Variants in FREM3 observed in about 807,000 individuals in gnomAD.
FREM3 encodes the protein FRAS1 related extracellular matrix 3.
Under a neutral mutation model 129.1 loss-of-function variants are expected in FREM3, and 105 were observed. The ratio of observed to expected loss-of-function variants is 0.81; its 90% CI spans 0.69 to 0.96. The LOEUF is 0.96. FREM3 is among the 40% of genes least tolerant of loss of function. The pLI is 0.00. For synonymous variants in FREM3, 1,014 were observed against 1,044.9 expected, an observed-to-expected ratio of 0.97 and a Z score of 0.57; for missense variants, 2,593 against 2,666.3, an observed-to-expected ratio of 0.97 and a Z score of 0.61.
At chr4:143,679,725 T>C (rs913270567) in intron 2 of FREM3, among the ~76,000 whole-genome samples, 1 of 152,130 alleles carries the variant, frequency 6.6e-6, no homozygotes, top group Non-Finnish European at 1.5e-5. Flanking sequence ...ATCTGCTCCA[T>C]TGCCTCTCAT....
intron 2 of FREM3, among the ~76,000 whole-genome samples, chr4:143,659,058 T>A (rs920551407): frequency 2.7e-5 from 4 of 147,708 alleles, no homozygotes; most frequent in Non-Finnish European, 6.0e-5. Context: ...GTGCCCCCAC[T>A]TGAATTTCTT....
chr4:143,666,050 G>A (rs1284378695), intron 2 of FREM3, among the ~76,000 whole-genome samples: 1 of 151,964 alleles, frequency 6.6e-6, no homozygotes, highest in African/African-American at 2.4e-5. Flanking sequence ...TATATTGATT[G>A]CTCTTCTTAG....
In FREM3 at chr4:143,698,652, T is replaced by A; in HGVS notation, c.2024A>T (p.His675Leu). Reference sequence around the variant, plus strand: ...GGGTGGGTCATGGTCATCCTGCACATGGAAAGCCAGCTGGACCATTACAGA... The same window carrying A: ...GGGTGGGTCATGGTCATCCTGCACAAGGAAAGCCAGCTGGACCATTACAGA... The part of the protein sequence containing the change: ...PQSVMVQLAF[H>L]VQDDHDPPNL... The change falls in exon 1 of 8, where the codon CAT becomes CTT. Residue 675 changes from histidine to leucine, a missense_variant. Physicochemically the swap from His to Leu is moderately conservative, Grantham distance 99 (BLOSUM62 -3). This residue lies in a region of FREM3 where 2,276 missense variants were observed against 2,267.2 expected (regional missense o/e 1.00). Transcript: ENST00000329798. 6.5e-7 allele frequency: 1 copy of A among 1,537,802 alleles called. No individual in the cohort carries two copies. The highest frequency in any genetic ancestry group is 2.4e-5 in the East Asian group (1 of 40,912).
chr4:143,662,233 C>T lies in FREM3; in HGVS notation c.5275+30880G>A, dbSNP rs1029207819. Among the ~76,000 whole-genome samples, 165 of 152,200 alleles carry T rather than the reference C, an allele frequency of 1.1e-3. 2 individuals carry two copies. Among genetic ancestry groups the T allele is most frequent in the African/African-American group, 3.8e-3 (156 of 41,546 alleles). ...TTTCTCTTGTGGGCATTTAGTGCTACAAATTTCCCTCTACACACTGCTTTG... is the reference window on the plus strand; with the variant it reads ...TTTCTCTTGTGGGCATTTAGTGCTATAAATTTCCCTCTACACACTGCTTTG... On this transcript the variant is annotated intron_variant, in intron 2 of 7. Transcript: ENST00000329798.
At chr4:143,613,757 G>A (rs1738799190) in intron 5 of FREM3, among the ~76,000 whole-genome samples, 1 of 152,104 alleles carries the variant, frequency 6.6e-6, no homozygotes, top group Admixed American at 6.5e-5. Context: ...GGTATGACAG[G>A]CTATATGACA....
At chr4:143,679,473 A>C (rs770121726) in intron 2 of FREM3, among the ~76,000 whole-genome samples, 11 of 152,224 alleles carry the variant, frequency 7.2e-5, no homozygotes, top group Non-Finnish European at 8.8e-5. Context: ...AAGTAAATAG[A>C]AAATATTTTT....
Position 143,696,944 on chromosome 4 carries a change from CT to C in FREM3, c.3731del (p.Gln1244ArgfsTer41), listed in dbSNP as rs1420448845. 9.8e-6 allele frequency: 15 copies of C among 1,537,604 alleles called. No homozygotes were observed. Among genetic ancestry groups the C allele is most frequent in the Non-Finnish European group, 1.2e-5 (14 of 1,147,024 alleles). On this transcript the variant is annotated frameshift_variant, in exon 1 of 8. Transcript: ENST00000329798. LOFTEE classifies it high-confidence loss of function. ...GGATGGGCTGGCTGCCTGTAGCCAGCTGCTGTATGATTCGTCCATGCCGAGG... is the reference window on the plus strand; with the variant it reads ...GGATGGGCTGGCTGCCTGTAGCCAGCGCTGTATGATTCGTCCATGCCGAGG... ...ALPRHGRIIQ[Q>X]LATGSQPIHS...
intron 7 of FREM3, among the ~76,000 whole-genome samples, chr4:143,581,628 A>G (rs1738144303): frequency 6.6e-6 from 1 of 151,980 alleles, no homozygotes; most frequent in Admixed American, 6.5e-5. Flanking sequence ...TGGGGAAGGA[A>G]CAAAGAGTCT....
At chr4:143,656,640 G>T (rs1257476467) in intron 2 of FREM3, among the ~76,000 whole-genome samples, 1 of 152,126 alleles carries the variant, frequency 6.6e-6, no homozygotes, top group Non-Finnish European at 1.5e-5. Context: ...ATTAGTGGTT[G>T]CTAAGGCCGA....
chr4:143,660,458 C>T (rs575153914), intron 2 of FREM3, among the ~76,000 whole-genome samples: 21 of 152,250 alleles, frequency 1.4e-4, no homozygotes, highest in African/African-American at 4.8e-4. Context: ...TGTTTTGGTA[C>T]CAGTACCATG....
intron 2 of FREM3, among the ~76,000 whole-genome samples, chr4:143,659,242 C>T (rs992569669): frequency 6.6e-6 from 1 of 151,912 alleles, no homozygotes; most frequent in Admixed American, 6.6e-5. Context: ...ATCCCTCCCC[C>T]CTACCCCCAC....
At chr4:143,637,301 C>A (rs565335937) in intron 2 of FREM3, among the ~76,000 whole-genome samples, 1 of 152,188 alleles carries the variant, frequency 6.6e-6, no homozygotes, top group East Asian at 1.9e-4. Context: ...AAGAAAGTAA[C>A]TTGGAATAGA....
intron 3 of FREM3, among the ~76,000 whole-genome samples, chr4:143,624,796 G>A (rs1739015437): frequency 6.6e-6 from 1 of 152,132 alleles, no homozygotes; most frequent in Non-Finnish European, 1.5e-5. Context: ...GACAGTGCAT[G>A]GCAGGTAGTA....
chr4:143,691,920 T>A (rs111864500), intron 2 of FREM3, among the ~76,000 whole-genome samples: 2,193 of 152,284 alleles, frequency 0.014, 59 homozygotes, highest in African/African-American at 0.05. Context: ...TGTTTAAAGG[T>A]GTAAATTCAT....
intron 6 of FREM3, among the ~76,000 whole-genome samples, chr4:143,594,466 C>T (rs1432034462): frequency 6.6e-6 from 1 of 152,130 alleles, no homozygotes; most frequent in Non-Finnish European, 1.5e-5. Context: ...GATGCAGTGG[C>T]TGGCATATTG....
intron 6 of FREM3, among the ~76,000 whole-genome samples, chr4:143,600,950 C>G (rs557796722): frequency 6.9e-6 from 1 of 145,906 alleles, no homozygotes; most frequent in Admixed American, 7.1e-5. Flanking sequence ...TTTCTCCTTT[C>G]TGTTTCTAAA....
chr4:143,668,290 G>T (rs1457920645), intron 2 of FREM3, among the ~76,000 whole-genome samples: 4 of 152,076 alleles, frequency 2.6e-5, no homozygotes, highest in Admixed American at 2.6e-4. Flanking sequence ...GTAGAAAGAA[G>T]AAAAAAGTAA....
At chr4:143,682,426 C>T (rs59448411) in intron 2 of FREM3, among the ~76,000 whole-genome samples, 2,351 of 152,208 alleles carry the variant, frequency 0.015, 76 homozygotes, top group Admixed American at 0.078. Flanking sequence ...AGACTGATTG[C>T]GGGCTACCAC....
intron 2 of FREM3, among the ~76,000 whole-genome samples, chr4:143,689,808 C>T (rs1243122459): frequency 2.0e-5 from 3 of 150,554 alleles, no homozygotes; most frequent in African/African-American, 7.4e-5. Flanking sequence ...CATATATTCT[C>T]ACTGATATGT....
Sources: allele counts gnomAD v4.1 joint callset (sites outside exome capture counted in the v4.1 genomes callset), GRCh38; gene constraint gnomAD v4.1.1; regional missense constraint gnomAD v4.1.1; transcripts MANE v1.5; gene names NCBI Gene and HGNC (gene_info 2026-07-23, HGNC 2026-07-21).